Variants in ABLIM1 observed in about 807,000 individuals in gnomAD.
ABLIM1 encodes actin-binding LIM protein 1.
ABLIM1 carries 40 observed loss-of-function variants against 107.0 expected under a neutral mutation model. The ratio of observed to expected loss-of-function variants is 0.37; its 90% CI spans 0.29 to 0.49. The LOEUF (loss-of-function observed/expected upper bound fraction) is 0.49. Ranked by LOEUF, ABLIM1 falls within the 20% of genes least tolerant of loss-of-function variation. The pLI, the probability that ABLIM1 is intolerant of heterozygous loss-of-function variation, is 0.97. For missense variants in ABLIM1, 857 were observed against 1,008.5 expected, an observed-to-expected ratio of 0.85 and a Z score of 2.04; for synonymous variants, 357 against 357.3, an observed-to-expected ratio of 1.00 and a Z score of 0.01.
chr10:114,491,012 G>GTGTGTGTGTGTGTGTGTATA, intron 7 of ABLIM1, among the ~76,000 whole-genome samples: 13 of 92,382 alleles, frequency 1.4e-4, no homozygotes, highest in African/African-American at 4.1e-4. Flanking sequence ...GTGTGTGTGT[G>GTGTGTGTGTGTGTGTGTATA]TATATATATA....
upstream of ABLIM1, among the ~76,000 whole-genome samples, chr10:114,685,915 C>T (rs911988020): frequency 1.3e-5 from 2 of 152,070 alleles, no homozygotes; most frequent in Admixed American, 6.5e-5. Context: ...GCTAGTTTTT[C>T]CTACTCCTTT....
At chr10:114,459,041 G>A (rs1437158583) in intron 12 of ABLIM1, among the ~76,000 whole-genome samples, 4 of 152,230 alleles carry the variant, frequency 2.6e-5, no homozygotes, top group African/African-American at 9.6e-5. Flanking sequence ...TCTGTGCCGT[G>A]CATCTCAGCT....
At chr10:114,787,328 C>T in the ABLIM1 span, among the ~76,000 whole-genome samples, 3 of 150,926 alleles carry the variant, frequency 2.0e-5, no homozygotes, top group Non-Finnish European at 4.4e-5. Flanking sequence ...GTGAGGAGCC[C>T]CTCCGCCCGG....
chr10:114,518,554 C>A (rs897223238), intron 6 of ABLIM1, among the ~76,000 whole-genome samples: 6 of 151,668 alleles, frequency 4.0e-5, no homozygotes, highest in African/African-American at 1.5e-4. Context: ...TTACTTTTTA[C>A]CTGATACCAA....
intron 4 of ABLIM1, among the ~76,000 whole-genome samples, chr10:114,568,192 G>C (rs1215685893): frequency 2.5e-5 from 2 of 79,492 alleles, no homozygotes; most frequent in African/African-American, 1.1e-4. Flanking sequence ...GCAAGACTCC[G>C]TCTCAAAAAA....
intron 1 of ABLIM1, among the ~76,000 whole-genome samples, chr10:114,743,166 C>T (rs1268612455): frequency 2.0e-5 from 3 of 152,100 alleles, no homozygotes; most frequent in Non-Finnish European, 4.4e-5. Context: ...CTAGGAAAAG[C>T]AACTTCAAGG....
chr10:114,642,523 A>G (rs1056955165), intron 1 of ABLIM1, among the ~76,000 whole-genome samples: 3 of 152,232 alleles, frequency 2.0e-5, no homozygotes, highest in African/African-American at 7.2e-5. Flanking sequence ...TGCAGAAGAA[A>G]GAGCCTCAAA....
chr10:114,675,470 T>C (rs1309544876), intron 1 of ABLIM1, among the ~76,000 whole-genome samples: 2 of 152,194 alleles, frequency 1.3e-5, no homozygotes, highest in Non-Finnish European at 2.9e-5. Flanking sequence ...GAGGTGACTT[T>C]GCTCCTCCTT....
intron 6 of ABLIM1, among the ~76,000 whole-genome samples, chr10:114,498,214 G>A (rs1351861513): frequency 3.3e-5 from 5 of 152,070 alleles, no homozygotes; most frequent in South Asian, 4.2e-4. Flanking sequence ...GCAAAGGGCC[G>A]GGCTAGACAA....
At chr10:114,780,065 G>C in the ABLIM1 span, among the ~76,000 whole-genome samples, 1 of 152,132 alleles carries the variant, frequency 6.6e-6, no homozygotes, top group African/African-American at 2.4e-5. Flanking sequence ...AAGGGCTGTG[G>C]CTGGAGGTTT....
chr10:114,690,304 A>C, intron 1 of ABLIM1: 12 of 1,591,138 alleles, frequency 7.5e-6, no homozygotes, highest in Non-Finnish European at 1.0e-5. Flanking sequence ...GTGCAGATGA[A>C]AAACTGGGAA....
chr10:114,724,186 C>T (rs1243476615), intron 1 of ABLIM1, among the ~76,000 whole-genome samples: 1 of 152,144 alleles, frequency 6.6e-6, no homozygotes, highest in Non-Finnish European at 1.5e-5. Flanking sequence ...TATTGTGCAA[C>T]AGAAAAAGCC....
the ABLIM1 span, among the ~76,000 whole-genome samples, chr10:114,795,210 TAGA>T: frequency 0.013 from 2,039 of 152,260 alleles, 53 homozygotes; most frequent in African/African-American, 0.046. Context: ...GGCATGCAAA[TAGA>T]AGACACAAAG....
At chr10:114,472,273 A>G (rs1009072577) in intron 10 of ABLIM1, among the ~76,000 whole-genome samples, 2 of 152,130 alleles carry the variant, frequency 1.3e-5, no homozygotes, top group African/African-American at 4.8e-5. Context: ...TTTAATATAT[A>G]TAGATGAGGT....
chr10:114,593,208 T>C (rs2075086161), intron 2 of ABLIM1, among the ~76,000 whole-genome samples: 1 of 152,236 alleles, frequency 6.6e-6, no homozygotes, highest in Non-Finnish European at 1.5e-5. Flanking sequence ...TGTTCTTCCT[T>C]GATAAAGCTG....
At chr10:114,598,437 A>C (rs2075668849) in intron 2 of ABLIM1, among the ~76,000 whole-genome samples, 1 of 151,934 alleles carries the variant, frequency 6.6e-6, no homozygotes, top group Non-Finnish European at 1.5e-5. Context: ...AAAATACAAA[A>C]ATTAGCTGGG....
intron 6 of ABLIM1, among the ~76,000 whole-genome samples, chr10:114,500,229 A>C (rs567869868): frequency 6.6e-6 from 1 of 152,292 alleles, no homozygotes; most frequent in Admixed American, 6.5e-5. Context: ...TATCCTTCTG[A>C]GTAAGGGTGC....
chr10:114,629,176 T>C lies in ABLIM1; in HGVS notation c.245-27215A>G, dbSNP rs937293115. On this transcript the variant is annotated intron_variant, in intron 1 of 22. Transcript: ENST00000533213. This position sits in a 1 kb window ranked among gnomAD's most constrained non-coding sequence, Gnocchi z 4.0. ...GGAGGCAACCAGCCAGCGTGCTTTC[T>C]CTCCTGCCCATGTCAGCCCCGAACC... Among the ~76,000 whole-genome samples, 2 of 152,160 alleles carry C rather than the reference T, an allele frequency of 1.3e-5. No individual in the cohort carries two copies. Among genetic ancestry groups the C allele is most frequent in the Admixed American group, 1.3e-4 (2 of 15,270 alleles).
intron 12 of ABLIM1, among the ~76,000 whole-genome samples, chr10:114,453,783 G>A (rs1431512610): frequency 1.3e-5 from 2 of 152,130 alleles, no homozygotes; most frequent in African/African-American, 4.8e-5. Flanking sequence ...TAGATGGAGG[G>A]GAGATTGGGA....
Sources: allele counts gnomAD v4.1 joint callset (sites outside exome capture counted in the v4.1 genomes callset), GRCh38; gene constraint gnomAD v4.1.1; non-coding constraint Gnocchi (gnomAD v3.1); transcripts MANE v1.5; gene names NCBI Gene and HGNC (gene_info 2026-07-23, HGNC 2026-07-21).